The following CPXM2 variants were observed in gnomAD, a reference collection of about 807,000 sequenced individuals.
CPXM2 encodes the protein inactive carboxypeptidase-like protein X2.
Under a neutral mutation model 86.1 loss-of-function variants are expected in CPXM2, and 66 were observed. The ratio of observed to expected loss-of-function variants is 0.77; its 90% confidence interval spans 0.63 to 0.94. The LOEUF is 0.94. CPXM2 is among the 40% of genes least tolerant of loss of function. The pLI is 0.00. For synonymous variants in CPXM2, 388 were observed against 400.2 expected (o/e 0.97, Z 0.36); for missense variants, 948 against 1,026.3 (o/e 0.92, Z 1.04).
At chr10:123,828,182 AAAAG>A (rs1394047106) in intron 4 of CPXM2, among the ~76,000 whole-genome samples, 6 of 151,056 alleles carry the variant, frequency 4.0e-5, no homozygotes, top group Non-Finnish European at 8.8e-5. Context: ...AAAAAAAGAA[AAAAG>A]AAAAAAAGTT....
chr10:123,933,625 G>C (rs868088764), intron 2 of CPXM2, among the ~76,000 whole-genome samples: 3 of 152,136 alleles, frequency 2.0e-5, no homozygotes, highest in African/African-American at 7.2e-5. Context: ...GGCTGAGGCA[G>C]GAGATTCGCT....
At chr10:123,882,954 C>T (rs556792531) in intron 1 of CPXM2, among the ~76,000 whole-genome samples, 263 of 151,096 alleles carry the variant, frequency 1.7e-3, no homozygotes, top group Non-Finnish European at 2.5e-3. Flanking sequence ...CCACCAACCC[C>T]GCAACCATAA....
chr10:123,762,092 G>C lies in CPXM2; in HGVS notation c.1557C>G (p.Gly519=). 6.2e-7 allele frequency: 1 copy of C among 1,614,078 alleles called. No individual in the cohort carries two copies. The highest frequency in any genetic ancestry group is 1.7e-5 in the Admixed American group (1 of 60,016). Residue 519 remains glycine (G), a synonymous_variant, in exon 11 of 14, where the codon GGC becomes GGG. Transcript: ENST00000241305. ...CGTAGGGGTACGCCACCACCAGCTC[G>C]CCGCCCTGCAGGTTGCCGCCCAGCA... ...PFVLGGNLQG[G]ELVVAYPYDL... is the part of the protein sequence containing the mutation.
intron 2 of CPXM2, among the ~76,000 whole-genome samples, chr10:123,923,571 A>C (rs2134280728): frequency 6.7e-6 from 1 of 149,674 alleles, no homozygotes; most frequent in East Asian, 2.0e-4. Flanking sequence ...ACAGAGCGAG[A>C]CTCCGTCTCA....
At chr10:123,794,441 C>T (rs1305673061) in intron 6 of CPXM2, among the ~76,000 whole-genome samples, 1 of 152,176 alleles carries the variant, frequency 6.6e-6, no homozygotes, top group Non-Finnish European at 1.5e-5. Context: ...TAATCATGTG[C>T]AAAGCTCACC....
chr10:123,862,791 A>G lies in CPXM2; in HGVS notation c.404-68T>C. ...AAAGGGATGAGTTTCTTATTTTCTA[A>G]ATCTGGCCGCGTGCTTTTCCATTTT... On this transcript the variant is annotated intron_variant, in intron 2 of 13. Transcript: ENST00000241305. 29 of 1,385,378 alleles carry G rather than the reference A, an allele frequency of 2.1e-5. No homozygotes were observed. The South Asian group carries it at 3.5e-4, about 17-fold the overall frequency. 85.8% of individuals were successfully genotyped at this position (1,385,378 alleles called of 1,614,324 possible).
intron 9 of CPXM2, among the ~76,000 whole-genome samples, chr10:123,767,809 G>A (rs1219733): frequency 0.38 from 58,249 of 151,922 alleles, 12,393 homozygotes; most frequent in East Asian, 0.68. Flanking sequence ...AACACAAAAT[G>A]TAAAGAACGT....
chr10:123,921,400 G>A (rs1439023463), intron 2 of CPXM2, among the ~76,000 whole-genome samples: 1 of 152,190 alleles, frequency 6.6e-6, no homozygotes, highest in Non-Finnish European at 1.5e-5. Flanking sequence ...TTATGGGAAA[G>A]AATCTTCTGA....
At chr10:123,912,311 G>GGT (rs1945496435) in intron 2 of CPXM2, among the ~76,000 whole-genome samples, 1 of 121,820 alleles carries the variant, frequency 8.2e-6, no homozygotes, top group Non-Finnish European at 1.8e-5. Context: ...TGGTGGGCGG[G>GGT]GGGGGGGGGG....
intron 7 of CPXM2, among the ~76,000 whole-genome samples, chr10:123,775,158 T>C (rs576432269): frequency 1.2e-4 from 18 of 152,282 alleles, no homozygotes; most frequent in Admixed American, 5.9e-4. Context: ...GAAGGTGTAG[T>C]AGAGAAATGA....
chr10:123,905,127 T>C (rs1945425212), intron 2 of CPXM2, among the ~76,000 whole-genome samples: 1 of 152,208 alleles, frequency 6.6e-6, no homozygotes, highest in Non-Finnish European at 1.5e-5. Context: ...TGCAGTCAAA[T>C]GCTCTACCGC....
chr10:123,762,083 C>T lies in CPXM2; in HGVS notation c.1566G>A (p.Val522=). The part of the protein sequence containing the change: ...LGGNLQGGEL[V]VAYPYDLVRS... ...GCACCAGGTCGTAGGGGTACGCCACCACCAGCTCGCCGCCCTGCAGGTTGC... is the reference window on the plus strand; with the variant it reads ...GCACCAGGTCGTAGGGGTACGCCACTACCAGCTCGCCGCCCTGCAGGTTGC... Residue 522 remains valine (V), a synonymous_variant, in exon 11 of 14, where the codon GTG becomes GTA. Transcript: ENST00000241305. 1 of 1,614,126 alleles carries T rather than the reference C, an allele frequency of 6.2e-7. No individual in the cohort carries two copies. Among genetic ancestry groups the T allele is most frequent in the Non-Finnish European group, 8.5e-7 (1 of 1,180,028 alleles).
At chr10:123,792,473 T>C (rs867506845) in intron 6 of CPXM2, among the ~76,000 whole-genome samples, 4 of 151,874 alleles carry the variant, frequency 2.6e-5, no homozygotes, top group Non-Finnish European at 5.9e-5. Context: ...AAGGTCTCTA[T>C]CAGAAAAAAC....
chr10:123,842,096 A>G (rs1848398492), intron 4 of CPXM2, among the ~76,000 whole-genome samples: 1 of 152,020 alleles, frequency 6.6e-6, no homozygotes, highest in African/African-American at 2.4e-5. Flanking sequence ...GTCTGTGTCT[A>G]CTCTGCTCTA....
intron 4 of CPXM2, among the ~76,000 whole-genome samples, chr10:123,805,389 C>T (rs1311565833): frequency 6.6e-6 from 1 of 151,874 alleles, no homozygotes; most frequent in Non-Finnish European, 1.5e-5. Flanking sequence ...CCATAAATTT[C>T]GATAGGTCAT....
At chr10:123,909,182 C>T (rs575052870) in intron 2 of CPXM2, among the ~76,000 whole-genome samples, 35 of 152,200 alleles carry the variant, frequency 2.3e-4, no homozygotes, top group African/African-American at 7.7e-4. Context: ...TCGTGTAGCT[C>T]GGGACACGGG....
intron 4 of CPXM2, among the ~76,000 whole-genome samples, chr10:123,810,497 T>C (rs1202042761): frequency 1.3e-5 from 2 of 151,966 alleles, no homozygotes; most frequent in African/African-American, 2.4e-5. Flanking sequence ...TCCATAAAGG[T>C]AAAAACATTT....
intron 4 of CPXM2, among the ~76,000 whole-genome samples, chr10:123,802,764 T>C (rs532146784): frequency 1.3e-5 from 2 of 152,352 alleles, no homozygotes; most frequent in East Asian, 3.9e-4. Context: ...CTATTTGTAC[T>C]CAGACCAGCA....
At position 123,862,645 on chromosome 10, in the gene CPXM2, A is replaced by G. The variant is rs1184045171; in HGVS notation, c.482T>C (p.Leu161Pro). ...LHASTVKRYGLGAHRGRLNIQ... is the reference protein window; with the variant it reads ...LHASTVKRYGPGAHRGRLNIQ... Reference sequence around the variant, plus strand: ...GTTGAGTCTCCCTCGATGTGCCCCCAGGCCATAGCGCTTCACCGTGGAGGC... The same window carrying G: ...GTTGAGTCTCCCTCGATGTGCCCCCGGGCCATAGCGCTTCACCGTGGAGGC... Residue 161 changes from leucine to proline, a missense_variant, in exon 3 of 14, where the codon CTG becomes CCG. Transcript: ENST00000241305. 2 of 1,614,188 alleles carry G rather than the reference A, an allele frequency of 1.2e-6. No individual in the cohort carries two copies. The highest frequency in any genetic ancestry group is 2.2e-5 in the South Asian group (2 of 91,078).
Sources: gnomAD v4.1 joint callset for allele counts (sites outside exome capture counted in the v4.1 genomes callset) on GRCh38, gnomAD v4.1.1 for gene constraint, MANE v1.5 for transcripts, NCBI Gene and HGNC (gene_info 2026-07-23, HGNC 2026-07-21) for gene names.